Variants in TBC1D24 observed in about 807,000 individuals in gnomAD.
The protein encoded by TBC1D24 is TBC1 domain family member 24.
TBC1D24 carries 47 observed loss-of-function variants against 50.7 expected under a neutral mutation model. That is an observed-to-expected ratio of 0.93 (90% CI 0.73 to 1.18). The LOEUF is 1.18. Among genes scored for constraint, TBC1D24 ranks in the 50% most tolerant of loss-of-function variants. The pLI is 0.00. For missense variants in TBC1D24, 688 were observed against 766.5 expected, an observed-to-expected ratio of 0.90 and a Z score of 1.21; for synonymous variants, 324 against 335.2, an observed-to-expected ratio of 0.97 and a Z score of 0.36.
In TBC1D24 at chr16:2,500,019, G is replaced by C. The variant is rs1022829044; in HGVS notation, c.1302+89G>C. On this transcript the variant is annotated intron_variant, in intron 6 of 7. Transcript: ENST00000646147. This position sits in a 1 kb window ranked among gnomAD's most constrained non-coding sequence, Gnocchi z 8.0. ...ACCCGCCTGCCCTGGGGACACTGTTGGGTGTCGCCATGGCAGTCACCCAGC... is the reference window on the plus strand; with the variant it reads ...ACCCGCCTGCCCTGGGGACACTGTTCGGTGTCGCCATGGCAGTCACCCAGC... 8.0e-6 allele frequency: 10 copies of C among 1,248,964 alleles called. No individual in the cohort carries two copies. The highest frequency in any genetic ancestry group is 1.2e-5 in the Non-Finnish European group (10 of 847,824). The allele number at this position is 1,248,964 out of a possible 1,614,324, so 77.4% of individuals were successfully genotyped here. A position where few individuals can be genotyped will look rare whatever the true frequency, so the allele number is the denominator to read the frequency against.
Position 2,483,647 on chromosome 16 carries a change from C to T in TBC1D24, c.-116+8477C>T, listed in dbSNP as rs2065627069. The T allele has an allele frequency of 6.6e-6, 1 of 152,274 alleles. No homozygotes were observed. The highest frequency in any genetic ancestry group is 2.4e-5 in the African/African-American group (1 of 41,424). 9.4% of individuals were successfully genotyped at this position (152,274 alleles called of 1,614,324 possible). A position where few individuals can be genotyped will look rare whatever the true frequency, so the allele number is the denominator to read the frequency against. ...TCTAGAGGCCACGGAGCTTTCCAGCCAGGACGGTGAACTTGGCCCTCAAGG... is the reference window on the plus strand; with the variant it reads ...TCTAGAGGCCACGGAGCTTTCCAGCTAGGACGGTGAACTTGGCCCTCAAGG... On this transcript the variant is annotated intron_variant, in intron 1 of 7. Transcript: ENST00000646147. The surrounding 1 kb of genome is among the most constrained non-coding windows in gnomAD (Gnocchi z 4.0).
At position 2,496,323 on chromosome 16, in the gene TBC1D24, A is replaced by G; in HGVS notation, c.175A>G (p.Ile59Val). 6.2e-7 allele frequency: 1 copy of G among 1,613,628 alleles called. No individual in the cohort carries two copies. Among genetic ancestry groups the G allele is most frequent in the Non-Finnish European group, 8.5e-7 (1 of 1,180,032 alleles). Reference sequence around the variant, plus strand: ...GCGGGGAAAGGTGTACCAGCGCCTGATCCGGGACATTCCCTGCCGCACGGT... The same window carrying G: ...GCGGGGAAAGGTGTACCAGCGCCTGGTCCGGGACATTCCCTGCCGCACGGT... ...ALRGKVYQRLIRDIPCRTVTP... is the reference protein window; with the variant it reads ...ALRGKVYQRLVRDIPCRTVTP... The change falls in exon 2 of 8, where the codon ATC becomes GTC. Residue 59 changes from isoleucine (I) to valine (V), a missense_variant. Physicochemically the swap from Ile to Val is conservative, Grantham distance 29. Coordinates refer to ENST00000646147, the MANE Select transcript of TBC1D24 (RefSeq NM_001199107.2).
Position 2,500,162 on chromosome 16 carries a change from C to T in TBC1D24, c.1303-106C>T. 1.6e-6 allele frequency: 2 copies of T among 1,232,394 alleles called. No individual in the cohort carries two copies. The highest frequency in any genetic ancestry group is 2.3e-6 in the Non-Finnish European group (2 of 860,082). 76.3% of individuals were successfully genotyped at this position (1,232,394 alleles called of 1,614,324 possible). On this transcript the variant is annotated intron_variant, in intron 6 of 7. Coordinates refer to ENST00000646147, the MANE Select transcript of TBC1D24 (RefSeq NM_001199107.2). This position sits in a 1 kb window ranked among gnomAD's most constrained non-coding sequence, Gnocchi z 8.0. ...CAGCCCCTGGCTCGGGCTGCACCCA[C>T]CTTGGGCTCTGGGTGCAGATTCACG...
intron 1 of TBC1D24, chr16:2,493,752 A>G (rs2065715486): frequency 6.6e-6 from 1 of 152,172 alleles, no homozygotes; most frequent in Admixed American, 6.5e-5. Flanking sequence ...TGTGCGCAGG[A>G]CGGTATCCTT....
At chr16:2,476,812 TAAC>T (rs1410246353) in intron 1 of TBC1D24, 2 of 152,242 alleles carry the variant, frequency 1.3e-5, no homozygotes, top group Non-Finnish European at 2.9e-5. Context: ...AAGGTTTTCA[TAAC>T]AACAATAAAT....
rs770187053 is a variant in TBC1D24 at position 2,500,226 on chromosome 16, C to T, written c.1303-42C>T. The T allele has an allele frequency of 3.4e-5, 51 of 1,516,960 alleles. No homozygotes were observed. The Admixed American group carries it at 3.8e-4, about 11-fold the overall frequency. The allele number at this position is 1,516,960 out of a possible 1,614,324, so 94.0% of individuals were successfully genotyped here. A position where few individuals can be genotyped will look rare whatever the true frequency, so the allele number is the denominator to read the frequency against. ...TGTGGCTCTGGGGCAGAGGGGCCTG[C>T]GAACGCCCGCGCCAGCTCCTCACAC... On this transcript the variant is annotated intron_variant, in intron 6 of 7. Transcript: ENST00000646147. The surrounding 1 kb of genome is among the most constrained non-coding windows in gnomAD (Gnocchi z 8.0).
intron 1 of TBC1D24, chr16:2,481,511 C>T (rs2141853926): frequency 6.6e-6 from 1 of 152,372 alleles, no homozygotes; most frequent in African/African-American, 2.4e-5. Flanking sequence ...GCACACCTGT[C>T]ACTGGCTTGG....
chr16:2,501,355 G>C lies in TBC1D24; in HGVS notation c.*397G>C. 3 of 265,322 alleles carry C rather than the reference G, an allele frequency of 1.1e-5. No individual in the cohort carries two copies. The highest frequency in any genetic ancestry group is 7.5e-6 in the Non-Finnish European group (1 of 133,918). The allele number at this position is 265,322 out of a possible 1,614,324, so 16.4% of individuals were successfully genotyped here. A position where few individuals can be genotyped will look rare whatever the true frequency, so the allele number is the denominator to read the frequency against. The stretch of plus-strand genomic sequence containing the variant: ...ACGGCAGTGGGAACGTGCAGCTAAG[G>C]GTGGGCCTGTGGTGCCCCCTGCTGG... On this transcript the variant is annotated 3_prime_UTR_variant, in exon 8 of 8. Transcript: ENST00000646147.
rs2065638910 is a variant in TBC1D24 at position 2,485,088 on chromosome 16, T to C, written c.-116+9918T>C. 1 of 152,152 alleles carries C rather than the reference T, an allele frequency of 6.6e-6. No individual in the cohort carries two copies. Among genetic ancestry groups the C allele is most frequent in the Admixed American group, 6.6e-5 (1 of 15,234 alleles). The allele number at this position is 152,152 out of a possible 1,614,324, so 9.4% of individuals were successfully genotyped here. On this transcript the variant is annotated intron_variant, in intron 1 of 7. Coordinates refer to ENST00000646147, the MANE Select transcript of TBC1D24 (RefSeq NM_001199107.2). The surrounding 1 kb of genome is among the most constrained non-coding windows in gnomAD (Gnocchi z 4.6). ...CCTCCACCTACTCTCCCAGCACCTC[T>C]GTGATGTTGTGAAATATCTATTTGG...
rs2065813138 is a variant in TBC1D24, at chr16:2,503,790, C to A, written c.*2832C>A. 6.6e-6 allele frequency: 1 copy of A among 151,502 alleles called. No individual in the cohort carries two copies. The highest frequency in any genetic ancestry group is 1.5e-5 in the Non-Finnish European group (1 of 67,998). 9.4% of individuals were successfully genotyped at this position (151,502 alleles called of 1,614,324 possible). On this transcript the variant is annotated 3_prime_UTR_variant, in exon 8 of 8. Coordinates refer to ENST00000646147, the MANE Select transcript of TBC1D24 (RefSeq NM_001199107.2). ...GGTCAGGCTGGTCTTGAACTCCTGA[C>A]CTCGTGATCCACCCCCCCCTCAGCC...
At chr16:2,498,006 A>G (rs368945408) in intron 3 of TBC1D24, among the ~76,000 whole-genome samples, 1 of 152,166 alleles carries the variant, frequency 6.6e-6, no homozygotes, top group Admixed American at 6.5e-5. Context: ...GAAAAGTTGC[A>G]TTGTCCCCAT....
intron 4 of TBC1D24, among the ~76,000 whole-genome samples, chr16:2,498,823 G>A (rs537302755): frequency 6.6e-6 from 1 of 152,368 alleles, no homozygotes; most frequent in African/African-American, 2.4e-5. Context: ...TGGACAGCAT[G>A]TGGCCGTGGG....
rs535968288 is a variant in TBC1D24 at position 2,500,187 on chromosome 16, G to A, written c.1303-81G>A. On this transcript the variant is annotated intron_variant, in intron 6 of 7. Transcript: ENST00000646147. This position sits in a 1 kb window ranked among gnomAD's most constrained non-coding sequence, Gnocchi z 8.0. ...CCTTGGGCTCTGGGTGCAGATTCAC[G>A]GGATGAAACGGGTTGTGGCTCTGGG... 275 of 1,368,436 alleles carry A rather than the reference G, an allele frequency of 2.0e-4. 4 individuals are homozygous for A. In the South Asian group the frequency reaches 3.1e-3, roughly 16 times the overall value. 84.8% of individuals were successfully genotyped at this position (1,368,436 alleles called of 1,614,324 possible). A position where few individuals can be genotyped will look rare whatever the true frequency, so the allele number is the denominator to read the frequency against.
chr16:2,496,382 G>A lies in TBC1D24; in HGVS notation c.234G>A (p.Val78=). 6.2e-7 allele frequency: 1 copy of A among 1,613,262 alleles called. No homozygotes were observed. Among genetic ancestry groups the A allele is most frequent in the Non-Finnish European group, 8.5e-7 (1 of 1,179,960 alleles). The change falls in exon 2 of 8, where the codon GTG becomes GTA. Residue 78 remains valine, a synonymous_variant. Coordinates refer to ENST00000646147, the MANE Select transcript of TBC1D24 (RefSeq NM_001199107.2). The stretch of plus-strand genomic sequence containing the variant: ...ACGCCAGCGTGTACAGCGACATCGT[G>A]GGCAAGATCGTGGGCAAGCACAGCA... ...TPDASVYSDI[V]GKIVGKHSSS... is the part of the protein sequence containing the mutation.
intron 1 of TBC1D24, among the ~76,000 whole-genome samples, 153 bp from the exon 2 acceptor site, chr16:2,495,881 C>A (rs1479036931): frequency 6.6e-6 from 1 of 151,950 alleles, no homozygotes; most frequent in Non-Finnish European, 1.5e-5. Flanking sequence ...CTGCAGAGAG[C>A]AGGGTCACGC....
At position 2,496,538 on chromosome 16, in the gene TBC1D24, C is replaced by T. The variant is rs1244406215; in HGVS notation, c.390C>T (p.Phe130=). ...CLANQFPDIS[F]CPALPAVVAL... is the part of the protein sequence containing the mutation. ...CCAACCAGTTCCCCGACATCTCCTT[C>T]TGCCCCGCCCTGCCGGCCGTGGTGG... Residue 130 remains phenylalanine, a synonymous_variant, in exon 2 of 8, where the codon TTC becomes TTT. Transcript: ENST00000646147. The T allele has an allele frequency of 1.2e-6, 2 of 1,608,328 alleles. No individual in the cohort carries two copies. Among genetic ancestry groups the T allele is most frequent in the Non-Finnish European group, 1.7e-6 (2 of 1,179,968 alleles).
chr16:2,486,925 C>T lies in TBC1D24; in HGVS notation c.-115-9109C>T, dbSNP rs2065655335. On this transcript the variant is annotated intron_variant, in intron 1 of 7. Coordinates refer to ENST00000646147, the MANE Select transcript of TBC1D24 (RefSeq NM_001199107.2). The surrounding 1 kb of genome is among the most constrained non-coding windows in gnomAD (Gnocchi z 5.8). Reference sequence around the variant, plus strand: ...TCTGGGGGTCCCCTCATCTTCTCCACCCTCCCGGTCTAGACTCTGCCTTCC... The same window carrying T: ...TCTGGGGGTCCCCTCATCTTCTCCATCCTCCCGGTCTAGACTCTGCCTTCC... Among the ~76,000 whole-genome samples, 2 of 152,230 alleles carry T rather than the reference C, an allele frequency of 1.3e-5. No homozygotes were observed. Among genetic ancestry groups the T allele is most frequent in the Non-Finnish European group, 2.9e-5 (2 of 68,042 alleles).
chr16:2,476,355 T>TGCGGCGAAGACAAGCAGTCA (rs2065568484), intron 1 of TBC1D24, among the ~76,000 whole-genome samples: 1 of 152,072 alleles, frequency 6.6e-6, no homozygotes, highest in Admixed American at 6.5e-5. Context: ...TTTGCTCAGT[T>TGCGGCGAAGACAAGCAGTCA]GCGGCGAAGA....
At chr16:2,498,179 G>C (rs1035228140) in intron 3 of TBC1D24, 59 bp from the exon 4 acceptor site, 1 of 1,545,974 alleles carries the variant, frequency 6.5e-7, no homozygotes, top group Non-Finnish European at 8.7e-7. Flanking sequence ...CATACCTCGG[G>C]GGGCATGGCC....
Sources: gnomAD v4.1 joint callset for allele counts (sites outside exome capture counted in the v4.1 genomes callset) on GRCh38, gnomAD v4.1.1 for gene constraint, Gnocchi (gnomAD v3.1) non-coding constraint, MANE v1.5 for transcripts, NCBI Gene and HGNC (gene_info 2026-07-23, HGNC 2026-07-21) for gene names.